Variants in SOX5 observed in about 807,000 individuals in gnomAD.
The protein encoded by SOX5 is SRY-box transcription factor 5, also known as transcription factor SOX-5.
Under a neutral mutation model 92.0 loss-of-function variants are expected in SOX5, and 9 were observed. The ratio of observed to expected loss-of-function variants is 0.10; its 90% CI spans 0.06 to 0.17. The LOEUF (loss-of-function observed/expected upper bound fraction) is 0.17. Among genes scored for constraint, SOX5 ranks in the 10% least tolerant of loss-of-function variants. SOX5 has a pLI of 1.00. For missense variants in SOX5, 642 were observed against 944.5 expected (o/e 0.68, Z 4.20); for synonymous variants, 344 against 336.3 (o/e 1.02, Z -0.25).
intron 2 of SOX5, among the ~76,000 whole-genome samples, chr12:24,366,000 C>T (rs887616844): frequency 6.6e-6 from 1 of 152,028 alleles, no homozygotes; most frequent in Non-Finnish European, 1.5e-5. Context: ...CCTCTTTATT[C>T]AGGAAATAGT....
intron 6 of SOX5, among the ~76,000 whole-genome samples, chr12:23,687,671 C>A (rs968077826): frequency 1.3e-5 from 2 of 151,946 alleles, no homozygotes; most frequent in African/African-American, 4.8e-5. Context: ...AAATTAGTAG[C>A]TACACAATGG....
intron 1 of SOX5, among the ~76,000 whole-genome samples, chr12:24,522,896 A>G (rs1417105724): frequency 6.6e-6 from 1 of 152,170 alleles, no homozygotes; most frequent in Non-Finnish European, 1.5e-5. Flanking sequence ...TTAACATAGT[A>G]CTAGAAGCCT....
At chr12:24,014,868 T>C (rs910489575) in intron 4 of SOX5, among the ~76,000 whole-genome samples, 1 of 152,146 alleles carries the variant, frequency 6.6e-6, no homozygotes, top group Non-Finnish European at 1.5e-5. Context: ...CAGTATATTA[T>C]TTCATTAAGT....
chr12:24,321,670 A>G (rs1950223393), intron 2 of SOX5, among the ~76,000 whole-genome samples: 1 of 152,206 alleles, frequency 6.6e-6, no homozygotes, highest in South Asian at 2.1e-4. Flanking sequence ...GCTGGAGTAC[A>G]AGAAAAATTG....
At chr12:23,951,001 A>ACACT (rs1046586031), upstream of SOX5, 6 of 687,880 alleles carry the variant, frequency 8.7e-6, no homozygotes, top group African/African-American at 1.8e-5. Context: ...ACACACACAC[A>ACACT]CACTCACTCA....
chr12:23,617,956 T>C (rs116251279), intron 8 of SOX5, among the ~76,000 whole-genome samples: 2 of 152,296 alleles, frequency 1.3e-5, no homozygotes, highest in African/African-American at 4.8e-5. Flanking sequence ...TCCATTACAA[T>C]ATGTTCCAAC....
intron 2 of SOX5, among the ~76,000 whole-genome samples, chr12:24,301,189 C>T (rs1015657847): frequency 6.6e-6 from 1 of 152,178 alleles, no homozygotes; most frequent in Admixed American, 6.5e-5. Context: ...GATCCTGACA[C>T]TCTAATGCCA....
intron 6 of SOX5, among the ~76,000 whole-genome samples, chr12:23,693,028 T>C (rs1266217748): frequency 6.6e-6 from 1 of 152,196 alleles, no homozygotes; most frequent in Non-Finnish European, 1.5e-5. Context: ...CTTTTTGTCA[T>C]TCTTTGATCT....
upstream of SOX5, among the ~76,000 whole-genome samples, chr12:23,956,006 CAG>C (rs1450468447): frequency 2.6e-5 from 4 of 152,218 alleles, no homozygotes; most frequent in East Asian, 7.7e-4. Context: ...ACACAACATT[CAG>C]AGAGGTTTTC....
chr12:23,973,877 T>A (rs376123505), intron 4 of SOX5, among the ~76,000 whole-genome samples: 2 of 152,262 alleles, frequency 1.3e-5, no homozygotes, highest in South Asian at 4.1e-4. Flanking sequence ...CGCGCTCATA[T>A]GAGAATCTAA....
rs551615965 is a variant in SOX5 at position 24,528,849 on chromosome 12, T to C, written c.-251+33480A>G. ...TCTTAAAGAAAAGTCTGCAAAACAT[T>C]CCTGAAAGCCTGGATGTTATAGCTG... On this transcript the variant is annotated intron_variant, in intron 1 of 4. Coordinates refer to the SOX5 transcript ENST00000446891. 3.9e-5 allele frequency among the ~76,000 whole-genome samples: 6 copies of C among 152,342 alleles called. No individual in the cohort carries two copies. The South Asian group carries it at 1.0e-3, about 26-fold the overall frequency.
intron 3 of SOX5, among the ~76,000 whole-genome samples, chr12:23,825,919 T>C (rs1284017923): frequency 6.6e-6 from 1 of 152,232 alleles, no homozygotes; most frequent in Non-Finnish European, 1.5e-5. Flanking sequence ...TCCTTTTTAC[T>C]TAACTAATAT....
intron 6 of SOX5, among the ~76,000 whole-genome samples, chr12:23,726,117 CCGAGAGAGAGAGAGAGAGAGAG>C (rs1567254843): frequency 2.9e-5 from 3 of 104,846 alleles, no homozygotes; most frequent in African/African-American, 1.0e-4. Context: ...ACATACATCC[CCGAGAGAGAGAGAGAGAGAGAG>C]AGAGAGAGAG....
At chr12:23,902,699 T>G (rs1568810297) in intron 1 of SOX5, among the ~76,000 whole-genome samples, 1 of 152,164 alleles carries the variant, frequency 6.6e-6, no homozygotes, top group Non-Finnish European at 1.5e-5. Context: ...TTCATGTAAA[T>G]TTTTTTCAAG....
intron 4 of SOX5, among the ~76,000 whole-genome samples, chr12:24,128,951 A>C (rs1392360263): frequency 6.6e-6 from 1 of 152,154 alleles, no homozygotes; most frequent in Non-Finnish European, 1.5e-5. Flanking sequence ...AAACACATAG[A>C]AATGGAGAGC....
chr12:24,070,997 T>C (rs1399807484), intron 4 of SOX5, among the ~76,000 whole-genome samples: 3 of 152,208 alleles, frequency 2.0e-5, no homozygotes, highest in Non-Finnish European at 4.4e-5. Context: ...TGCCAAACAT[T>C]ATGCTGGAAA....
chr12:23,941,766 G>A (rs923302284), intron 1 of SOX5, among the ~76,000 whole-genome samples: 1 of 151,536 alleles, frequency 6.6e-6, no homozygotes, highest in African/African-American at 2.4e-5. Flanking sequence ...TTGAGCACCA[G>A]TTCATTCCGT....
intron 2 of SOX5, among the ~76,000 whole-genome samples, chr12:23,881,164 G>A (rs572302964): frequency 3.9e-4 from 60 of 152,262 alleles, no homozygotes; most frequent in African/African-American, 1.4e-3. Context: ...TGTTAATTTA[G>A]TATGACAAGA....
At chr12:24,173,788 G>T (rs765589498) in intron 4 of SOX5, among the ~76,000 whole-genome samples, 53 of 152,240 alleles carry the variant, frequency 3.5e-4, no homozygotes, top group South Asian at 2.3e-3. Flanking sequence ...AACGTCCACT[G>T]TAAATTCTGA....
Sources: gnomAD v4.1 joint callset for allele counts (sites outside exome capture counted in the v4.1 genomes callset) on GRCh38, gnomAD v4.1.1 for gene constraint, MANE v1.5 for transcripts, NCBI Gene and HGNC (gene_info 2026-07-23, HGNC 2026-07-21) for gene names.